The following TRRAP variants were observed in gnomAD, a reference collection of about 807,000 sequenced individuals.
TRRAP encodes the protein transformation/transcription domain associated protein.
A neutral mutation model predicts 438.8 loss-of-function variants in TRRAP; 41 were observed. The ratio of observed to expected loss-of-function variants is 0.09; its 90% CI spans 0.07 to 0.12. The LOEUF (loss-of-function observed/expected upper bound fraction) is 0.12. Among genes scored for constraint, TRRAP ranks in the 10% least tolerant of loss-of-function variants. The pLI is 1.00. For missense variants in TRRAP, 3,122 were observed against 5,055.1 expected (o/e 0.62, Z 11.60); for synonymous variants, 1,994 against 1,962.9 (o/e 1.02, Z -0.42).
At chr7:98,988,059 G>C (rs753478767) in intron 62 of TRRAP, among the ~76,000 whole-genome samples, 1 of 152,150 alleles carries the variant, frequency 6.6e-6, no homozygotes, top group Non-Finnish European at 1.5e-5. Flanking sequence ...TGGTCATGAT[G>C]GATAATCCTT....
intron 21 of TRRAP, among the ~76,000 whole-genome samples, chr7:98,923,462 C>A (rs908543204): frequency 6.6e-6 from 1 of 152,350 alleles, no homozygotes; most frequent in Admixed American, 6.5e-5. Flanking sequence ...GAAAGATGAG[C>A]GTGGCTAAGC....
intron 56 of TRRAP, 130 bp downstream of exon 56, chr7:98,977,206 G>T (rs1444858539): frequency 9.9e-6 from 13 of 1,316,384 alleles, no homozygotes; most frequent in Non-Finnish European, 1.3e-5. Context: ...CTGTCGCCCA[G>T]CCTGGAGTGC....
Position 99,005,510 on chromosome 7 carries a change from G to A in TRRAP, c.10753+162G>A, listed in dbSNP as rs1794121615. Among the ~76,000 whole-genome samples, 1 of 152,172 alleles carries A rather than the reference G, an allele frequency of 6.6e-6. No individual in the cohort carries two copies. On this transcript the variant is annotated intron_variant, in intron 69 of 72. Transcript: ENST00000456197. This position sits in a 1 kb window ranked among gnomAD's most constrained non-coding sequence, Gnocchi z 5.1. ...CTGTGCTGACCAGGGAAGGCCTCAG[G>A]AAGAGGAGCAGCTCCAGGCCTTCAG...
At chr7:98,957,914 A>G in intron 43 of TRRAP, 67 bp from the exon 44 acceptor site, 1 of 1,433,480 alleles carries the variant, frequency 7.0e-7, no homozygotes, top group Non-Finnish European at 9.7e-7. Flanking sequence ...GCTGGGTGAA[A>G]AGTCAAGCCT....
intron 7 of TRRAP, 137 bp from the exon 8 acceptor site, chr7:98,897,604 C>A: frequency 8.7e-7 from 1 of 1,145,022 alleles, no homozygotes; most frequent in Non-Finnish European, 1.2e-6. Context: ...GGAGTTGGTG[C>A]AGCATAAAAA....
At chr7:98,903,148 A>G (rs1796550590) in intron 11 of TRRAP, among the ~76,000 whole-genome samples, 1 of 152,122 alleles carries the variant, frequency 6.6e-6, no homozygotes. Flanking sequence ...CAGCCTCCCA[A>G]GTAGCTGGGA....
At chr7:98,912,345 G>C (rs1237577205) in intron 18 of TRRAP, 132 bp downstream of exon 18, 1 of 867,806 alleles carries the variant, frequency 1.2e-6, no homozygotes, top group East Asian at 2.9e-5. Context: ...GATCTCCCCA[G>C]TTTTTGGGAC....
chr7:98,895,755 T>C lies in TRRAP; in HGVS notation c.451-9T>C, dbSNP rs1796170634. 1.3e-6 allele frequency: 2 copies of C among 1,595,158 alleles called. No homozygotes were observed. The highest frequency in any genetic ancestry group is 1.3e-5 in the African/African-American group (1 of 74,398). ...ATCTTCCTATAACGAAAGTGTCTGC[T>C]TTTTTTAGATTCATCATTTTCTGGA... On this transcript the variant is annotated splice_polypyrimidine_tract_variant and intron_variant, in intron 6 of 72. Coordinates refer to ENST00000456197, the MANE Select transcript of TRRAP (RefSeq NM_001375524.1).
At chr7:99,001,075 TAAAAG>T (rs1383495285) in intron 67 of TRRAP, among the ~76,000 whole-genome samples, 1 of 152,262 alleles carries the variant, frequency 6.6e-6, no homozygotes. Context: ...TTAAGTCACA[TAAAAG>T]AAAATCTTCA....
intron 53 of TRRAP, among the ~76,000 whole-genome samples, chr7:98,972,704 C>G (rs1319560189): frequency 2.0e-5 from 3 of 152,162 alleles, no homozygotes; most frequent in South Asian, 4.1e-4. Flanking sequence ...TCTGTTCTTT[C>G]AGGAGCTGGG....
chr7:98,978,382 T>C, intron 57 of TRRAP, 59 bp downstream of exon 57: 3 of 1,455,414 alleles, frequency 2.1e-6, no homozygotes, highest in South Asian at 2.4e-5. Flanking sequence ...CAGGGAAAAA[T>C]CTCTGACCTT....
At chr7:98,930,332 T>A in intron 24 of TRRAP, 126 bp downstream of exon 24, 2 of 1,231,524 alleles carry the variant, frequency 1.6e-6, no homozygotes, top group Non-Finnish European at 2.2e-6. Context: ...ATCCCAGCAC[T>A]TTGAGAGGCC....
At chr7:99,009,880 CTTTTTTTTT>C (rs138174570) in intron 70 of TRRAP, among the ~76,000 whole-genome samples, 1 of 96,694 alleles carries the variant, frequency 1.0e-5, no homozygotes, top group African/African-American at 5.0e-5. Context: ...TCATTCTTCT[CTTTTTTTTT>C]TTTTTTTTTT....
In TRRAP at chr7:98,949,650, T is replaced by C. The variant is rs201838882; in HGVS notation, c.4954-10T>C. On this transcript the variant is annotated splice_polypyrimidine_tract_variant and intron_variant, in intron 36 of 72. Transcript: ENST00000456197. ...GAGACACGGTTCCCTAATTATCTCT[T>C]CTTTGACAGATCATAAGCATTATAG... 17 of 1,610,068 alleles carry C rather than the reference T, an allele frequency of 1.1e-5. No homozygotes were observed. The highest frequency in any genetic ancestry group is 1.7e-4 in the Middle Eastern group (1 of 6,034).
chr7:99,011,895 C>A lies in TRRAP; in HGVS notation c.11338-176C>A, dbSNP rs1001663214. On this transcript the variant is annotated intron_variant, in intron 72 of 72. Coordinates refer to ENST00000456197, the MANE Select transcript of TRRAP (RefSeq NM_001375524.1). This position sits in a 1 kb window ranked among gnomAD's most constrained non-coding sequence, Gnocchi z 7.1. ...CTCCAAGTGGAGGAAGGGGTTTGTC[C>A]CCCAGCGGCTTCCCCAGCCCGTCCT... Among the ~76,000 whole-genome samples the A allele has an allele frequency of 6.6e-6, 1 of 152,206 alleles. No individual in the cohort carries two copies. The highest frequency in any genetic ancestry group is 2.1e-4 in the South Asian group (1 of 4,828).
At chr7:98,879,680 C>A (rs1302378059) in intron 1 of TRRAP, among the ~76,000 whole-genome samples, 3 of 152,202 alleles carry the variant, frequency 2.0e-5, no homozygotes, top group African/African-American at 7.2e-5. Flanking sequence ...TGACAAACTC[C>A]CCCGCCTTGG....
intron 28 of TRRAP, among the ~76,000 whole-genome samples, chr7:98,936,924 G>A (rs1288570664): frequency 6.6e-6 from 1 of 152,164 alleles, no homozygotes. Flanking sequence ...CTGGTTGGTA[G>A]GAGCCTTTGG....
chr7:98,933,231 G>C lies in TRRAP; in HGVS notation c.3853-10G>C. 1 of 1,606,336 alleles carries C rather than the reference G, an allele frequency of 6.2e-7. No individual in the cohort carries two copies. The highest frequency in any genetic ancestry group is 1.1e-5 in the South Asian group (1 of 89,860). ...GCTGGTGAGTGGTGCCTCCTCCTTGGCTTCCCCAGGTCCTGCAGGATATGG... is the reference window on the plus strand; with the variant it reads ...GCTGGTGAGTGGTGCCTCCTCCTTGCCTTCCCCAGGTCCTGCAGGATATGG... On this transcript the variant is annotated splice_polypyrimidine_tract_variant and intron_variant, in intron 26 of 72. Transcript: ENST00000456197.
chr7:98,978,383 C>G, intron 57 of TRRAP, 60 bp downstream of exon 57: 1 of 1,453,520 alleles, frequency 6.9e-7, no homozygotes, highest in Non-Finnish European at 9.5e-7. Context: ...AGGGAAAAAT[C>G]TCTGACCTTT....
Sources: allele counts gnomAD v4.1 joint callset (sites outside exome capture counted in the v4.1 genomes callset), GRCh38; gene constraint gnomAD v4.1.1; non-coding constraint Gnocchi (gnomAD v3.1); transcripts MANE v1.5; gene names NCBI Gene and HGNC (gene_info 2026-07-23, HGNC 2026-07-21).